GLRA3: variants seen among roughly 807,000 people sequenced by gnomAD.
The protein encoded by GLRA3 is glycine receptor alpha 3.
In GLRA3, 44 loss-of-function variants were observed where a neutral mutation model predicts 60.4. That is an observed-to-expected ratio of 0.73 (90% confidence interval 0.57 to 0.94). The LOEUF (loss-of-function observed/expected upper bound fraction) is 0.94. GLRA3 is among the 40% of genes least tolerant of loss of function. The probability of loss-of-function intolerance (pLI) is 0.00; values close to 1 mark genes in which losing one functional copy is unlikely to be tolerated. For missense variants in GLRA3, 508 were observed against 564.6 expected (o/e 0.90, Z 1.02); for synonymous variants, 223 against 192.9 (o/e 1.16, Z -1.29).
chr4:174,652,911 T>C (rs1056761105), intron 9 of GLRA3, among the ~76,000 whole-genome samples: 1 of 152,178 alleles, frequency 6.6e-6, no homozygotes, highest in African/African-American at 2.4e-5. Context: ...TGCTATTGAG[T>C]GTGAACAAAA....
chr4:174,698,528 T>A (rs1289062240), intron 5 of GLRA3, among the ~76,000 whole-genome samples: 1 of 152,132 alleles, frequency 6.6e-6, no homozygotes, highest in Admixed American at 6.5e-5. Context: ...TCAGTACCAC[T>A]ATTTATTTGT....
At chr4:174,759,680 A>G (rs1031882260) in intron 3 of GLRA3, among the ~76,000 whole-genome samples, 2 of 152,154 alleles carry the variant, frequency 1.3e-5, no homozygotes. Flanking sequence ...TCTAATATAA[A>G]CTGTACTAAA....
At chr4:174,658,199 A>C (rs568856175) in intron 8 of GLRA3, among the ~76,000 whole-genome samples, 12 of 152,166 alleles carry the variant, frequency 7.9e-5, no homozygotes, top group African/African-American at 2.7e-4. Context: ...CCTTGCCACA[A>C]TTACACAAAA....
At chr4:174,673,864 A>C (rs1734002059) in intron 7 of GLRA3, among the ~76,000 whole-genome samples, 2 of 152,140 alleles carry the variant, frequency 1.3e-5, no homozygotes. Context: ...CCTATTAGTA[A>C]CTATCATCTC....
chr4:174,742,986 T>C (rs1737085095), intron 3 of GLRA3, among the ~76,000 whole-genome samples: 2 of 152,196 alleles, frequency 1.3e-5, no homozygotes, highest in African/African-American at 4.8e-5. Flanking sequence ...TATATAAAAC[T>C]CTGTATCTGT....
chr4:174,714,236 A>G (rs1735824051), intron 5 of GLRA3, among the ~76,000 whole-genome samples: 1 of 152,114 alleles, frequency 6.6e-6, no homozygotes, highest in Admixed American at 6.6e-5. Flanking sequence ...TGCCACTTAG[A>G]GGGTCCCGCA....
At chr4:174,718,268 T>C (rs1413451784) in intron 4 of GLRA3, among the ~76,000 whole-genome samples, 1 of 152,210 alleles carries the variant, frequency 6.6e-6, no homozygotes, top group East Asian at 1.9e-4. Context: ...AAGACATGTC[T>C]TGACCACATC....
At chr4:174,812,902 C>T (rs1055142318) in intron 1 of GLRA3, among the ~76,000 whole-genome samples, 10 of 152,062 alleles carry the variant, frequency 6.6e-5, no homozygotes, top group African/African-American at 2.4e-4. Flanking sequence ...ATTAACAGTT[C>T]CCCAGGAAAC....
At chr4:174,754,318 A>G (rs1737602030) in intron 3 of GLRA3, among the ~76,000 whole-genome samples, 1 of 152,174 alleles carries the variant, frequency 6.6e-6, no homozygotes, top group African/African-American at 2.4e-5. Context: ...ATCAGAGCAC[A>G]ATCATTCTGC....
intron 5 of GLRA3, among the ~76,000 whole-genome samples, chr4:174,692,859 T>C (rs984434700): frequency 2.6e-5 from 4 of 151,790 alleles, no homozygotes; most frequent in Non-Finnish European, 4.4e-5. Flanking sequence ...CACTTGTTTA[T>C]CTGCTGACCT....
intron 1 of GLRA3, among the ~76,000 whole-genome samples, chr4:174,819,564 A>G (rs1290261763): frequency 6.6e-6 from 1 of 152,166 alleles, no homozygotes; most frequent in Non-Finnish European, 1.5e-5. Context: ...TAAAGAATTT[A>G]TACTCCTTTC....
intron 5 of GLRA3, among the ~76,000 whole-genome samples, chr4:174,689,348 G>C (rs936292968): frequency 3.3e-5 from 5 of 152,144 alleles, no homozygotes; most frequent in Admixed American, 2.0e-4. Flanking sequence ...ATAGCAATAT[G>C]AATATCTGTG....
intron 3 of GLRA3, among the ~76,000 whole-genome samples, chr4:174,752,187 A>G (rs1159353556): frequency 1.3e-5 from 2 of 152,166 alleles, no homozygotes; most frequent in Non-Finnish European, 2.9e-5. Flanking sequence ...AGATGCATAT[A>G]TAACAAGCAT....
At chr4:174,726,022 C>T (rs1736307096) in intron 4 of GLRA3, among the ~76,000 whole-genome samples, 1 of 152,220 alleles carries the variant, frequency 6.6e-6, no homozygotes, top group Non-Finnish European at 1.5e-5. Flanking sequence ...CCTAACCACT[C>T]TCTATACAGG....
At chr4:174,691,746 C>G (rs1734821946) in intron 5 of GLRA3, among the ~76,000 whole-genome samples, 1 of 152,142 alleles carries the variant, frequency 6.6e-6, no homozygotes, top group African/African-American at 2.4e-5. Flanking sequence ...TCGCTACAAC[C>G]TCCACCTCCC....
chr4:174,816,148 C>T (rs952948230), intron 1 of GLRA3, among the ~76,000 whole-genome samples: 1 of 152,172 alleles, frequency 6.6e-6, no homozygotes, highest in African/African-American at 2.4e-5. Context: ...AAGGTCCACA[C>T]ATTGAATAGC....
At position 174,819,624 on chromosome 4, in the gene GLRA3, C is replaced by T. The variant is rs559080455; in HGVS notation, c.71+9117G>A. ...TCAATATTTATCATTATTACTATTTCGGGTAGTTATTCATAATTACATTTT... is the reference window on the plus strand; with the variant it reads ...TCAATATTTATCATTATTACTATTTTGGGTAGTTATTCATAATTACATTTT... On this transcript the variant is annotated intron_variant, in intron 1 of 9. Coordinates refer to ENST00000274093, the MANE Select transcript of GLRA3 (RefSeq NM_006529.4). Among the ~76,000 whole-genome samples the T allele has an allele frequency of 6.5e-4, 99 of 152,216 alleles. 1 individual carries two copies. Among genetic ancestry groups the T allele is most frequent in the African/African-American group, 1.6e-3 (68 of 41,540 alleles).
intron 7 of GLRA3, among the ~76,000 whole-genome samples, chr4:174,662,947 T>G (rs540556770): frequency 3.3e-5 from 5 of 151,842 alleles, no homozygotes; most frequent in Non-Finnish European, 7.4e-5. Flanking sequence ...GCTGAGTGAA[T>G]GGACAGATAA....
intron 2 of GLRA3, among the ~76,000 whole-genome samples, chr4:174,782,312 G>A (rs1236290404): frequency 2.2e-4 from 34 of 151,978 alleles, no homozygotes; most frequent in Non-Finnish European, 1.9e-4. Flanking sequence ...TTCATGGGAC[G>A]TATTTCAAAA....
Sources: gnomAD v4.1 joint callset for allele counts (sites outside exome capture counted in the v4.1 genomes callset) on GRCh38, gnomAD v4.1.1 for gene constraint, MANE v1.5 for transcripts, NCBI Gene and HGNC (gene_info 2026-07-23, HGNC 2026-07-21) for gene names.